Variants in FAH observed in about 807,000 individuals in gnomAD.
The protein encoded by FAH is fumarylacetoacetate hydrolase.
Under a neutral mutation model 55.8 loss-of-function variants are expected in FAH, and 47 were observed. The ratio of observed to expected loss-of-function variants is 0.84; its 90% confidence interval spans 0.67 to 1.07. The LOEUF is 1.07. Among genes scored for constraint, FAH ranks in the 50% least tolerant of loss-of-function variants. The pLI is 0.00. For missense variants in FAH, 495 were observed against 545.9 expected (o/e 0.91, Z 0.93); for synonymous variants, 199 against 207.7 (o/e 0.96, Z 0.36).
intron 10 of FAH, among the ~76,000 whole-genome samples, chr15:80,175,394 G>A (rs573959762): frequency 6.6e-6 from 1 of 152,106 alleles, no homozygotes; most frequent in African/African-American, 2.4e-5. Context: ...TCCAGGGGCT[G>A]CCTGGCTCCT....
intron 1 of FAH, 86 bp downstream of exon 1, chr15:80,153,221 T>C: frequency 9.1e-7 from 1 of 1,093,256 alleles, no homozygotes; most frequent in Non-Finnish European, 1.4e-6. Context: ...TGGAATGGAG[T>C]GGAATGAGGG....
chr15:80,171,890 G>A (rs1241714490), intron 7 of FAH, among the ~76,000 whole-genome samples: 1 of 152,200 alleles, frequency 6.6e-6, no homozygotes, highest in African/African-American at 2.4e-5. Flanking sequence ...GGGATGCACT[G>A]AAGGGAGGGG....
intron 7 of FAH, 27 bp downstream of exon 7, chr15:80,168,343 A>C (rs200800924): frequency 6.2e-7 from 1 of 1,610,268 alleles, no homozygotes; most frequent in African/African-American, 1.3e-5. Flanking sequence ...TTTTATTGCC[A>C]TGGGATCTAT....
Position 80,167,867 on chromosome 15 carries a change from C to T in FAH, c.456-185C>T, listed in dbSNP as rs141237823. On this transcript the variant is annotated intron_variant, in intron 5 of 13. Transcript: ENST00000561421. Reference sequence around the variant, plus strand: ...TTCCTTTTTGAGGCTGAATAATATTCCACTGTATGTATGTACCACAGTTTG... The same window carrying T: ...TTCCTTTTTGAGGCTGAATAATATTTCACTGTATGTATGTACCACAGTTTG... 1.4e-3 allele frequency among the ~76,000 whole-genome samples: 207 copies of T among 152,264 alleles called. 1 individual carries two copies. The highest frequency in any genetic ancestry group is 4.7e-3 in the African/African-American group (197 of 41,550).
rs538916726 is a variant in FAH at position 80,160,443 on chromosome 15, C to A, written c.348C>A (p.His116Gln). ...AFISQASATM[H>Q]LPATIGDYTD... ...TCTCCCAGGCTTCTGCCACGATGCA[C>A]CTTCCAGCCACCATAGGTGAGTGCA... is the stretch of plus-strand genomic sequence containing the variant. Residue 116 changes from histidine to glutamine, a missense_variant, in exon 4 of 14, where the codon CAC becomes CAA. Transcript: ENST00000561421. The A allele has an allele frequency of 5.6e-6, 9 of 1,614,216 alleles. No homozygotes were observed. The Admixed American group carries it at 1.5e-4, about 27-fold the overall frequency.
chr15:80,155,646 A>G (rs1263185417), intron 1 of FAH, among the ~76,000 whole-genome samples: 1 of 152,156 alleles, frequency 6.6e-6, no homozygotes, highest in Non-Finnish European at 1.5e-5. Flanking sequence ...GGGCACTGCT[A>G]CCACTGAGAC....
chr15:80,161,134 C>G (rs148532236), intron 4 of FAH, among the ~76,000 whole-genome samples: 1 of 152,324 alleles, frequency 6.6e-6, no homozygotes, highest in African/African-American at 2.4e-5. Flanking sequence ...GCCGAGTCAC[C>G]TGCCTCCTCC....
chr15:80,161,925 G>A (rs1191555105), intron 4 of FAH, among the ~76,000 whole-genome samples: 2 of 152,172 alleles, frequency 1.3e-5, no homozygotes, highest in Non-Finnish European at 2.9e-5. Flanking sequence ...GTGGGAACTC[G>A]GGAATGGCAG....
At chr15:80,180,946 C>A in intron 12 of FAH, 96 bp from the exon 13 acceptor site, 2 of 986,592 alleles carry the variant, frequency 2.0e-6, no homozygotes, top group Non-Finnish European at 3.2e-6. Context: ...GGGCCCCCTG[C>A]CACTTCTCGG....
chr15:80,159,964 G>A (rs1000934370), intron 3 of FAH, 87 bp downstream of exon 3: 9 of 1,531,700 alleles, frequency 5.9e-6, no homozygotes, highest in South Asian at 1.2e-5. Flanking sequence ...TCTGAGTCAC[G>A]GCTTGGCAGC....
At chr15:80,168,361 C>T (rs761271992) in intron 7 of FAH, 45 bp downstream of exon 7, 42 of 1,600,390 alleles carry the variant, frequency 2.6e-5, no homozygotes, top group African/African-American at 6.7e-5. Context: ...TATAGACACC[C>T]GGCAGGAGAG....
intron 8 of FAH, 71 bp from the exon 9 acceptor site, chr15:80,172,943 G>A (rs1384878330): frequency 2.5e-6 from 4 of 1,606,866 alleles, no homozygotes; most frequent in Admixed American, 1.7e-5. Context: ...CCTTGGTCAA[G>A]GGCAGGAGGG....
intron 13 of FAH, among the ~76,000 whole-genome samples, chr15:80,182,543 C>G (rs556258673): frequency 1.3e-5 from 2 of 152,258 alleles, no homozygotes; most frequent in South Asian, 4.1e-4. Flanking sequence ...CTAATTATAC[C>G]TCTCTAATTT....
At position 80,173,044 on chromosome 15, in the gene FAH, C is replaced by T; in HGVS notation, c.737C>T (p.Pro246Leu). Residue 246 changes from proline (P) to leucine (L), a missense_variant, in exon 9 of 14, where the codon CCT becomes CTT. By Grantham distance (98) the Pro-to-Leu change is moderately conservative (BLOSUM62 -3). Coordinates refer to ENST00000561421, the MANE Select transcript of FAH (RefSeq NM_000137.4). Reference sequence around the variant, plus strand: ...GACATTCAGAAGTGGGAGTATGTCCCTCTCGGGCCATTCCTTGGGAAGAGT... The same window carrying T: ...GACATTCAGAAGTGGGAGTATGTCCTTCTCGGGCCATTCCTTGGGAAGAGT... The part of the protein sequence containing the change: ...ARDIQKWEYV[P>L]LGPFLGKSFG... 1 of 1,614,254 alleles carries T rather than the reference C, an allele frequency of 6.2e-7. No homozygotes were observed. The highest frequency in any genetic ancestry group is 2.2e-5 in the East Asian group (1 of 44,894).
intron 5 of FAH, among the ~76,000 whole-genome samples, chr15:80,165,706 C>G (rs2041186180): frequency 2.0e-5 from 3 of 150,640 alleles, no homozygotes; most frequent in Non-Finnish European, 4.4e-5. Flanking sequence ...AACCCCACCC[C>G]CCACCAAAAA....
At chr15:80,183,794 A>G (rs2041349329) in intron 13 of FAH, among the ~76,000 whole-genome samples, 1 of 152,058 alleles carries the variant, frequency 6.6e-6, no homozygotes, top group African/African-American at 2.4e-5. Context: ...CAAGGCAGCT[A>G]CTCTTACTGT....
intron 11 of FAH, 121 bp downstream of exon 11, chr15:80,177,704 C>G (rs1325598628): frequency 1.1e-6 from 1 of 894,530 alleles, no homozygotes; most frequent in African/African-American, 1.6e-5. Flanking sequence ...GCCTGTGGGC[C>G]TGGAGCTTCC....
At chr15:80,153,559 C>G (rs2041072660) in intron 1 of FAH, among the ~76,000 whole-genome samples, 1 of 152,100 alleles carries the variant, frequency 6.6e-6, no homozygotes, top group South Asian at 2.1e-4. Context: ...CCCTAGAACC[C>G]GGGAAATGAT....
At chr15:80,153,270 G>A (rs2041069761) in intron 1 of FAH, 135 bp downstream of exon 1, 3 of 765,474 alleles carry the variant, frequency 3.9e-6, no homozygotes, top group South Asian at 1.5e-5. Context: ...CTTAAGATTC[G>A]TTCCGTGAGA....
Sources: allele counts gnomAD v4.1 joint callset (sites outside exome capture counted in the v4.1 genomes callset), GRCh38; gene constraint gnomAD v4.1.1; transcripts MANE v1.5; gene names NCBI Gene and HGNC (gene_info 2026-07-23, HGNC 2026-07-21).